The following TBC1D4 variants were observed in gnomAD, a reference collection of about 807,000 sequenced individuals.
The protein encoded by TBC1D4 is TBC1 domain family member 4.
Under a neutral mutation model 142.5 loss-of-function variants are expected in TBC1D4, and 121 were observed. The ratio of observed to expected loss-of-function variants is 0.85; its 90% CI spans 0.73 to 0.99. TBC1D4 has a LOEUF of 0.99. TBC1D4 is among the 50% of genes least tolerant of loss of function. TBC1D4 has a pLI of 0.00. For missense variants in TBC1D4, 1,475 were observed against 1,606.6 expected, an observed-to-expected ratio of 0.92 and a Z score of 1.40; for synonymous variants, 630 against 628.2, an observed-to-expected ratio of 1.00 and a Z score of -0.04.
intron 15 of TBC1D4, among the ~76,000 whole-genome samples, chr13:75,306,084 C>T (rs966531704): frequency 6.6e-6 from 1 of 152,130 alleles, no homozygotes; most frequent in Non-Finnish European, 1.5e-5. Flanking sequence ...TCAATGCATG[C>T]ACTTCTTCCT....
At chr13:75,437,769 T>C (rs1418041085) in intron 1 of TBC1D4, among the ~76,000 whole-genome samples, 1 of 152,092 alleles carries the variant, frequency 6.6e-6, no homozygotes, top group Admixed American at 6.6e-5. Flanking sequence ...AGTAGCTAAT[T>C]CCTCTATAAA....
At chr13:75,324,973 A>C (rs558757519) in intron 10 of TBC1D4, among the ~76,000 whole-genome samples, 6 of 152,338 alleles carry the variant, frequency 3.9e-5, no homozygotes, top group African/African-American at 1.4e-4. Context: ...GATTCTTTGC[A>C]TAGCAAGCTT....
chr13:75,425,702 A>C (rs544912859), intron 1 of TBC1D4, among the ~76,000 whole-genome samples: 21 of 152,310 alleles, frequency 1.4e-4, no homozygotes, highest in African/African-American at 4.8e-4. Context: ...TAAATGAAAT[A>C]AGCCAGGCAC....
chr13:75,327,914 T>C (rs1332781430), intron 8 of TBC1D4, 88 bp from the exon 9 acceptor site: 4 of 1,332,726 alleles, frequency 3.0e-6, no homozygotes, highest in East Asian at 4.6e-5. Flanking sequence ...GGTCTCTTAA[T>C]GTTAGCATTA....
intron 1 of TBC1D4, among the ~76,000 whole-genome samples, chr13:75,366,694 A>T (rs185862474): frequency 7.9e-5 from 12 of 152,092 alleles, no homozygotes; most frequent in Non-Finnish European, 1.6e-4. Context: ...AAAAAAAAAA[A>T]ATATTGCTTC....
intron 1 of TBC1D4, among the ~76,000 whole-genome samples, chr13:75,476,000 T>G (rs1230973313): frequency 6.6e-6 from 1 of 152,174 alleles, no homozygotes; most frequent in Non-Finnish European, 1.5e-5. Context: ...CCCAGCACTT[T>G]GGGAGGCCCA....
At chr13:75,369,497 T>TCACACA (rs67470405) in intron 1 of TBC1D4, among the ~76,000 whole-genome samples, 10,057 of 150,538 alleles carry the variant, frequency 0.067, 377 homozygotes, top group Non-Finnish European at 0.092. Context: ...AGACCCTGTC[T>TCACACA]CACACACACA....
intron 8 of TBC1D4, among the ~76,000 whole-genome samples, chr13:75,328,550 G>A (rs1331504493): frequency 6.6e-6 from 1 of 152,052 alleles, no homozygotes; most frequent in Non-Finnish European, 1.5e-5. Context: ...AAGAAACTGA[G>A]GCCAACTATA....
intron 1 of TBC1D4, among the ~76,000 whole-genome samples, chr13:75,407,762 C>T (rs1838330169): frequency 6.6e-6 from 1 of 151,698 alleles, no homozygotes; most frequent in African/African-American, 2.4e-5. Context: ...TAGAAGTGCC[C>T]ACAGCAAAGT....
intron 20 of TBC1D4, among the ~76,000 whole-genome samples, chr13:75,287,518 C>T (rs549218654): frequency 1.1e-4 from 16 of 152,104 alleles, no homozygotes; most frequent in Non-Finnish European, 1.8e-4. Context: ...ACAGTTCAGA[C>T]GAATCATTAT....
At chr13:75,392,669 T>C (rs1394044753) in intron 1 of TBC1D4, among the ~76,000 whole-genome samples, 1 of 149,858 alleles carries the variant, frequency 6.7e-6, no homozygotes, top group African/African-American at 2.4e-5. Flanking sequence ...AGAGTCTCTC[T>C]CTGTTCCCCC....
chr13:75,464,736 C>A (rs1888102179), intron 1 of TBC1D4, among the ~76,000 whole-genome samples: 1 of 152,228 alleles, frequency 6.6e-6, no homozygotes, highest in Non-Finnish European at 1.5e-5. Context: ...CCTGGAACCA[C>A]TGTATGTCCA....
intron 12 of TBC1D4, among the ~76,000 whole-genome samples, chr13:75,316,290 T>C (rs762602164): frequency 9.2e-5 from 14 of 152,184 alleles, no homozygotes; most frequent in Non-Finnish European, 4.4e-5. Context: ...AAGAGGCGCA[T>C]ACAGTATTTA....
chr13:75,404,063 T>TAC (rs1345766063), intron 1 of TBC1D4, among the ~76,000 whole-genome samples: 2,247 of 149,072 alleles, frequency 0.015, 59 homozygotes, highest in African/African-American at 0.051. Context: ...TATATATACA[T>TAC]ACACACACAC....
At chr13:75,349,446 T>G in intron 4 of TBC1D4, 144 bp from the exon 5 acceptor site, 1 of 1,126,510 alleles carries the variant, frequency 8.9e-7, no homozygotes, top group Non-Finnish European at 1.3e-6. Flanking sequence ...CGAGAGAAAA[T>G]ACTAAGTCTT....
At position 75,341,487 on chromosome 13, in the gene TBC1D4, TA is replaced by T; in HGVS notation, c.1500+8del. 1 of 1,612,692 alleles carries T rather than the reference TA, an allele frequency of 6.2e-7. No individual in the cohort carries two copies. The highest frequency in any genetic ancestry group is 8.5e-7 in the Non-Finnish European group (1 of 1,178,814). On this transcript the variant is annotated splice_region_variant and intron_variant, in intron 6 of 20. Transcript: ENST00000377636. ...ATGTCTTATTTATGAGACCTACAAA[TA>T]ATGTTACCTGAACTCTTTCAAAGAT... is the stretch of plus-strand genomic sequence containing the variant.
At chr13:75,458,090 C>G (rs1394541416) in intron 1 of TBC1D4, among the ~76,000 whole-genome samples, 1 of 152,152 alleles carries the variant, frequency 6.6e-6, no homozygotes, top group Non-Finnish European at 1.5e-5. Flanking sequence ...CTTTTACACC[C>G]TCTCCTCTTG....
intron 1 of TBC1D4, among the ~76,000 whole-genome samples, chr13:75,401,250 CT>C (rs1885078661): frequency 6.6e-6 from 1 of 152,206 alleles, no homozygotes; most frequent in Non-Finnish European, 1.5e-5. Flanking sequence ...AGTTCTCTTA[CT>C]TCTTTTTAAT....
intron 20 of TBC1D4, among the ~76,000 whole-genome samples, 195 bp from the exon 21 acceptor site, chr13:75,287,220 T>C (rs1056928482): frequency 2.5e-4 from 38 of 152,170 alleles, no homozygotes; most frequent in African/African-American, 8.4e-4. Context: ...CTTCATCTCT[T>C]CTCACTGAAC....
Sources: allele counts gnomAD v4.1 joint callset (sites outside exome capture counted in the v4.1 genomes callset), GRCh38; gene constraint gnomAD v4.1.1; transcripts MANE v1.5; gene names NCBI Gene and HGNC (gene_info 2026-07-23, HGNC 2026-07-21).